The following ANAPC1 variants were observed in gnomAD, a reference collection of about 807,000 sequenced individuals.
The protein encoded by ANAPC1 is anaphase-promoting complex subunit 1.
In ANAPC1, 36 loss-of-function variants were observed where a neutral mutation model predicts 208.0. The observed-to-expected ratio is 0.17, with a 90% confidence interval of 0.13 to 0.23. The LOEUF (loss-of-function observed/expected upper bound fraction) is 0.23. Among genes scored for constraint, ANAPC1 ranks in the 10% least tolerant of loss-of-function variants. ANAPC1 has a pLI of 1.00. For missense variants in ANAPC1, 942 were observed against 2,011.6 expected (o/e 0.47, Z 10.17); for synonymous variants, 378 against 695.2 (o/e 0.54, Z 7.18).
At chr2:111,807,705 T>A (rs1356774583) in intron 29 of ANAPC1, among the ~76,000 whole-genome samples, 1 of 151,600 alleles carries the variant, frequency 6.6e-6, no homozygotes, top group African/African-American at 2.4e-5. Flanking sequence ...AAAAAAAAAT[T>A]TTTAATGTAC....
chr2:111,792,728 G>A (rs1274719863), intron 37 of ANAPC1, among the ~76,000 whole-genome samples, 173 bp from the exon 38 acceptor site: 3 of 151,834 alleles, frequency 2.0e-5, no homozygotes, highest in East Asian at 1.9e-4. Flanking sequence ...CAAGGCGGGC[G>A]GATCACGAGG....
intron 1 of ANAPC1, among the ~76,000 whole-genome samples, chr2:111,881,158 T>C (rs1683279018): frequency 6.6e-6 from 1 of 152,076 alleles, no homozygotes; most frequent in Admixed American, 6.6e-5. Flanking sequence ...ACTTTATATA[T>C]GAAGTATTTA....
intron 29 of ANAPC1, among the ~76,000 whole-genome samples, chr2:111,807,466 C>A (rs1181488617): frequency 6.6e-6 from 1 of 152,132 alleles, no homozygotes; most frequent in Non-Finnish European, 1.5e-5. Flanking sequence ...CTGAGACAGG[C>A]GGATCACAAG....
intron 16 of ANAPC1, among the ~76,000 whole-genome samples, chr2:111,846,549 ATATATATATATTTTTTTTTTT>A (rs1681080594): frequency 1.9e-4 from 9 of 46,976 alleles, no homozygotes; most frequent in Admixed American, 1.7e-3. Flanking sequence ...ATATATATAT[ATATATATATATTTTTTTTTTT>A]TTTTTTTTTT....
At chr2:111,882,853 A>AC (rs1352259230) in intron 1 of ANAPC1, among the ~76,000 whole-genome samples, 1 of 152,060 alleles carries the variant, frequency 6.6e-6, no homozygotes, top group Non-Finnish European at 1.5e-5. Flanking sequence ...AACTTGGAAC[A>AC]CAAGTAAAAA....
Position 111,838,524 on chromosome 2 carries a change from C to T in ANAPC1, c.2041-12G>A. On this transcript the variant is annotated splice_polypyrimidine_tract_variant and intron_variant, in intron 17 of 47. Transcript: ENST00000341068. ...CCTTCAAAGTCAAACTGAAAAGTAA[C>T]CCCAAAAGAAAAGATAAAAATCGTA... is the stretch of plus-strand genomic sequence containing the variant. 1 of 1,588,056 alleles carries T rather than the reference C, an allele frequency of 6.3e-7. No individual in the cohort carries two copies. The highest frequency in any genetic ancestry group is 8.5e-7 in the Non-Finnish European group (1 of 1,170,954).
chr2:111,859,417 G>A lies in ANAPC1; in HGVS notation c.1263-1016C>T, dbSNP rs1380110887. Among the ~76,000 whole-genome samples the A allele has an allele frequency of 4.6e-5, 7 of 152,120 alleles. No homozygotes were observed. In the East Asian group the frequency reaches 1.4e-3, roughly 29 times the overall value. On this transcript the variant is annotated intron_variant, in intron 10 of 47. Coordinates refer to ENST00000341068, the MANE Select transcript of ANAPC1 (RefSeq NM_022662.4). ...ACCTGGGAGGCAGAGGTTGCGGTGA[G>A]CCAAGATCACGCCATTGCACTCCAG...
At chr2:111,771,003 T>A (rs1315924162) in intron 47 of ANAPC1, 1 of 154,098 alleles carries the variant, frequency 6.5e-6, no homozygotes, top group African/African-American at 2.4e-5. Context: ...CTTTCTCCTA[T>A]GAAGGTTACA....
At chr2:111,883,867 G>C (rs1484886797) in intron 1 of ANAPC1, 75 bp downstream of exon 1, 1 of 152,362 alleles carries the variant, frequency 6.6e-6, no homozygotes, top group African/African-American at 2.4e-5. Context: ...ACCAGGGGAG[G>C]CTCGGCCTCG....
At chr2:111,848,596 G>A (rs1321337554) in intron 14 of ANAPC1, among the ~76,000 whole-genome samples, 10 of 152,082 alleles carry the variant, frequency 6.6e-5, no homozygotes, top group African/African-American at 2.4e-4. Context: ...GGCCAACATG[G>A]TGAAACCCCA....
At chr2:111,870,096 T>C (rs895467492) in intron 6 of ANAPC1, among the ~76,000 whole-genome samples, 3 of 152,228 alleles carry the variant, frequency 2.0e-5, no homozygotes, top group Non-Finnish European at 4.4e-5. Flanking sequence ...TATATATACA[T>C]TTTCTTTATT....
chr2:111,851,145 G>C (rs572369734), intron 13 of ANAPC1, among the ~76,000 whole-genome samples: 1 of 149,986 alleles, frequency 6.7e-6, no homozygotes, highest in South Asian at 2.1e-4. Context: ...CTCTTTTCCC[G>C]TGGGTGGAGT....
intron 10 of ANAPC1, among the ~76,000 whole-genome samples, chr2:111,860,356 T>C (rs530249700): frequency 7.3e-5 from 11 of 150,332 alleles, no homozygotes; most frequent in Non-Finnish European, 1.6e-4. Context: ...ACTAATTTTA[T>C]TATAGTTCAG....
At position 111,863,856 on chromosome 2, in the gene ANAPC1, T is replaced by C. The variant is rs201139467; in HGVS notation, c.871A>G (p.Thr291Ala). The change falls in exon 9 of 48, where the codon ACC becomes GCC. Residue 291 changes from threonine (T) to alanine (A), a missense_variant. Coordinates refer to ENST00000341068, the MANE Select transcript of ANAPC1 (RefSeq NM_022662.4). ...VVLKFSEQGG[T>A]PQNVATSSSL... ...CTGCTAGTGGCCACATTCTGTGGGGTTCCCCCCTGTTCAGAGAACTTTAAA... is the reference window on the plus strand; with the variant it reads ...CTGCTAGTGGCCACATTCTGTGGGGCTCCCCCCTGTTCAGAGAACTTTAAA... 1.2e-4 allele frequency: 195 copies of C among 1,613,358 alleles called. No individual in the cohort carries two copies. Among genetic ancestry groups the C allele is most frequent in the South Asian group, 6.2e-4 (56 of 91,020 alleles).
intron 21 of ANAPC1, among the ~76,000 whole-genome samples, chr2:111,827,418 T>C (rs1191271079): frequency 6.6e-6 from 1 of 152,122 alleles, no homozygotes; most frequent in African/African-American, 2.4e-5. Context: ...CAACAAATGG[T>C]ACACAGACAA....
chr2:111,857,338 T>C (rs1182983222), intron 11 of ANAPC1, among the ~76,000 whole-genome samples: 1 of 152,248 alleles, frequency 6.6e-6, no homozygotes, highest in African/African-American at 2.4e-5. Flanking sequence ...TACTCTTTTG[T>C]AACTTCCTTT....
chr2:111,848,792 A>G (rs998149887), intron 14 of ANAPC1, among the ~76,000 whole-genome samples: 11 of 151,614 alleles, frequency 7.3e-5, no homozygotes, highest in Non-Finnish European at 1.5e-4. Context: ...AAAAAAAAAG[A>G]CTAAACTGTG....
At chr2:111,834,151 G>T (rs1010343128) in intron 19 of ANAPC1, among the ~76,000 whole-genome samples, 1 of 152,106 alleles carries the variant, frequency 6.6e-6, no homozygotes, top group Non-Finnish European at 1.5e-5. Flanking sequence ...TCAAACACTC[G>T]CATCCCAGGA....
At chr2:111,855,269 A>G (rs1412004228) in intron 13 of ANAPC1, among the ~76,000 whole-genome samples, 1 of 152,222 alleles carries the variant, frequency 6.6e-6, no homozygotes, top group African/African-American at 2.4e-5. Context: ...TAGTAACATC[A>G]AAGACCACTG....
Sources: gnomAD v4.1 joint callset for allele counts (sites outside exome capture counted in the v4.1 genomes callset) on GRCh38, gnomAD v4.1.1 for gene constraint, MANE v1.5 for transcripts, NCBI Gene and HGNC (gene_info 2026-07-23, HGNC 2026-07-21) for gene names.